Variants in EVA1A observed in about 807,000 individuals in gnomAD.
EVA1A encodes the protein eva-1 homolog A, regulator of programmed cell death, also known as protein eva-1 homolog A.
A neutral mutation model predicts 9.8 loss-of-function variants in EVA1A; 7 were observed. The ratio of observed to expected loss-of-function variants is 0.71; its 90% CI spans 0.41 to 1.34. EVA1A has a LOEUF of 1.34. Among genes scored for constraint, EVA1A ranks in the 40% most tolerant of loss-of-function variants. The pLI, the probability that EVA1A is intolerant of heterozygous loss-of-function variation, is 0.01. For missense variants in EVA1A, 206 were observed against 205.9 expected (o/e 1.00, Z 0.00); for synonymous variants, 90 against 85.6 (o/e 1.05, Z -0.28).
At chr2:75,534,599 T>A (rs1675810096) in intron 1 of EVA1A, among the ~76,000 whole-genome samples, 1 of 152,132 alleles carries the variant, frequency 6.6e-6, no homozygotes, top group Non-Finnish European at 1.5e-5. Flanking sequence ...ACATTAAGTG[T>A]AAATAATCTA....
chr2:75,516,073 G>A (rs999139482), intron 3 of EVA1A, among the ~76,000 whole-genome samples: 1 of 152,234 alleles, frequency 6.6e-6, no homozygotes, highest in Non-Finnish European at 1.5e-5. Context: ...GAGGGGCCAG[G>A]GGCCCTGCGG....
chr2:75,538,381 A>G (rs996324330), intron 1 of EVA1A, among the ~76,000 whole-genome samples: 1 of 152,222 alleles, frequency 6.6e-6, no homozygotes, highest in Non-Finnish European at 1.5e-5. Context: ...CTGTATTTCC[A>G]TATACTAAGA....
At chr2:75,504,395 G>A (rs1674536598) in intron 3 of EVA1A, among the ~76,000 whole-genome samples, 1 of 151,998 alleles carries the variant, frequency 6.6e-6, no homozygotes, top group African/African-American at 2.4e-5. Flanking sequence ...TGGGCAACAG[G>A]GTAAGACTCT....
intron 1 of EVA1A, among the ~76,000 whole-genome samples, chr2:75,523,911 T>C (rs973953084): frequency 6.6e-6 from 1 of 152,152 alleles, no homozygotes; most frequent in Non-Finnish European, 1.5e-5. Flanking sequence ...CATCTTGTAA[T>C]ATAGTTCCTA....
At chr2:75,513,784 A>C (rs1453483781) in intron 3 of EVA1A, among the ~76,000 whole-genome samples, 2 of 152,254 alleles carry the variant, frequency 1.3e-5, no homozygotes, top group Non-Finnish European at 2.9e-5. Flanking sequence ...TAAGCCAGAC[A>C]GAGAAAGAAA....
intron 1 of EVA1A, among the ~76,000 whole-genome samples, chr2:75,528,082 T>G (rs1675514913): frequency 6.6e-6 from 1 of 152,246 alleles, no homozygotes; most frequent in Non-Finnish European, 1.5e-5. Flanking sequence ...GGAAGTGCCC[T>G]GTAGGCACTC....
intron 1 of EVA1A, among the ~76,000 whole-genome samples, chr2:75,556,717 G>A (rs1676723288): frequency 6.6e-6 from 1 of 152,172 alleles, no homozygotes. Context: ...TTTTTCCACG[G>A]ATAGGGGGAG....
intron 2 of EVA1A, among the ~76,000 whole-genome samples, chr2:75,521,400 A>G (rs1164762069): frequency 6.6e-6 from 1 of 152,244 alleles, no homozygotes; most frequent in Admixed American, 6.5e-5. Context: ...TCAGAGCTGC[A>G]TTATTCACAA....
chr2:75,553,588 G>A (rs1027070277), intron 1 of EVA1A, among the ~76,000 whole-genome samples: 2 of 152,202 alleles, frequency 1.3e-5, no homozygotes, highest in East Asian at 3.9e-4. Flanking sequence ...GGCAGCTTGA[G>A]CTGAGCAGAC....
chr2:75,564,382 C>T (rs1301464823), upstream of EVA1A, among the ~76,000 whole-genome samples: 1 of 152,202 alleles, frequency 6.6e-6, no homozygotes, highest in African/African-American at 2.4e-5. Flanking sequence ...ACTTCATGCC[C>T]GGTTCTCGGC....
chr2:75,550,285 ACT>A (rs1676475865), intron 1 of EVA1A, among the ~76,000 whole-genome samples: 1 of 151,850 alleles, frequency 6.6e-6, no homozygotes, highest in African/African-American at 2.4e-5. Flanking sequence ...GGTCTAAACA[ACT>A]CTCTGTCTCC....
chr2:75,530,824 T>C (rs1391148094), intron 1 of EVA1A, among the ~76,000 whole-genome samples: 1 of 152,078 alleles, frequency 6.6e-6, no homozygotes, highest in Non-Finnish European at 1.5e-5. Context: ...TTGAAAGCAT[T>C]CCCCCTGAGA....
chr2:75,519,832 A>G (rs143961528), intron 2 of EVA1A, among the ~76,000 whole-genome samples: 3 of 151,252 alleles, frequency 2.0e-5, no homozygotes, highest in Non-Finnish European at 4.4e-5. Flanking sequence ...TGTCTCCACT[A>G]ATGTTACCAG....
chr2:75,537,634 G>A (rs1482116829), intron 1 of EVA1A, among the ~76,000 whole-genome samples: 1 of 152,202 alleles, frequency 6.6e-6, no homozygotes, highest in African/African-American at 2.4e-5. Context: ...GTTAAAATGT[G>A]TTCTCCAATG....
chr2:75,550,920 G>A (rs991951013), intron 1 of EVA1A, among the ~76,000 whole-genome samples: 14 of 152,108 alleles, frequency 9.2e-5, no homozygotes, highest in African/African-American at 3.4e-4. Context: ...TCAGGAGTTC[G>A]AGACCAGCCT....
intron 1 of EVA1A, among the ~76,000 whole-genome samples, chr2:75,551,014 T>C (rs935207262): frequency 7.2e-5 from 11 of 152,134 alleles, no homozygotes; most frequent in African/African-American, 2.2e-4. Context: ...TCCCAGCTAC[T>C]TGGGATGCTG....
intron 1 of EVA1A, among the ~76,000 whole-genome samples, chr2:75,557,107 AC>A (rs1261921266): frequency 1.3e-5 from 2 of 152,154 alleles, no homozygotes; most frequent in African/African-American, 4.8e-5. Flanking sequence ...TTTGGAGACA[AC>A]CTGCCAAAAC....
chr2:75,549,093 A>G (rs1572989066), intron 1 of EVA1A, among the ~76,000 whole-genome samples: 1 of 151,112 alleles, frequency 6.6e-6, no homozygotes, highest in African/African-American at 2.4e-5. Flanking sequence ...CACACAGTGT[A>G]CTGCCTCCCA....
chr2:75,530,442 G>A (rs796448064), intron 1 of EVA1A, among the ~76,000 whole-genome samples: 36 of 152,038 alleles, frequency 2.4e-4, no homozygotes, highest in African/African-American at 5.8e-4. Flanking sequence ...AGGAAAAGGC[G>A]TAACAAAATA....
Sources: gnomAD v4.1 joint callset for allele counts (sites outside exome capture counted in the v4.1 genomes callset) on GRCh38, gnomAD v4.1.1 for gene constraint, MANE v1.5 for transcripts, NCBI Gene and HGNC (gene_info 2026-07-23, HGNC 2026-07-21) for gene names.